Variants in ADAMTS20 observed in about 807,000 individuals in gnomAD.
The protein encoded by ADAMTS20 is ADAM metallopeptidase with thrombospondin type 1 motif 20, also known as A disintegrin and metalloproteinase with thrombospondin motifs 20.
A neutral mutation model predicts 260.1 loss-of-function variants in ADAMTS20; 225 were observed. That is an observed-to-expected ratio of 0.87 (90% CI 0.78 to 0.97). ADAMTS20 has a LOEUF of 0.97. Among genes scored for constraint, ADAMTS20 ranks in the 50% least tolerant of loss-of-function variants. The probability of loss-of-function intolerance (pLI) is 0.00; values close to 1 mark genes in which losing one functional copy is unlikely to be tolerated. For missense variants in ADAMTS20, 2,400 were observed against 2,337.7 expected (o/e 1.03, Z -0.55); for synonymous variants, 802 against 769.5 (o/e 1.04, Z -0.70).
chr12:43,389,000 T>C (rs2082759143), intron 29 of ADAMTS20, among the ~76,000 whole-genome samples: 1 of 152,178 alleles, frequency 6.6e-6, no homozygotes, highest in African/African-American at 2.4e-5. Flanking sequence ...TACCATCACC[T>C]TGGGGGATAG....
intron 2 of ADAMTS20, among the ~76,000 whole-genome samples, chr12:43,543,671 C>A (rs996040773): frequency 1.3e-5 from 2 of 152,086 alleles, no homozygotes; most frequent in South Asian, 2.1e-4. Context: ...ATGTTTGATG[C>A]GTGATCTGTT....
chr12:43,435,277 A>C (rs1941528990), intron 18 of ADAMTS20, among the ~76,000 whole-genome samples: 1 of 152,190 alleles, frequency 6.6e-6, no homozygotes, highest in Non-Finnish European at 1.5e-5. Flanking sequence ...TGGCAGAGGG[A>C]AGAAAGATGA....
rs149337466 is a variant in ADAMTS20, at chr12:43,532,237, G to A, written c.454-42C>T. 1.4e-3 allele frequency: 2,102 copies of A among 1,545,410 alleles called. 32 individuals are homozygous for A. The African/African-American group carries it at 0.026, about 19-fold the overall frequency. ...CAAAAATGAATTTTTCCTAACAGTCGCCAAGAAGAAAAAACACATAGTACC... is the reference window on the plus strand; with the variant it reads ...CAAAAATGAATTTTTCCTAACAGTCACCAAGAAGAAAAAACACATAGTACC... On this transcript the variant is annotated intron_variant, in intron 2 of 38. Transcript: ENST00000389420.
chr12:43,444,251 G>A (rs1022522022), intron 15 of ADAMTS20, among the ~76,000 whole-genome samples: 4 of 152,054 alleles, frequency 2.6e-5, no homozygotes, highest in South Asian at 2.1e-4. Flanking sequence ...AAAAATAGAA[G>A]ATTTCAAATA....
At chr12:43,379,339 T>A (rs535112507) in intron 31 of ADAMTS20, among the ~76,000 whole-genome samples, 5 of 152,212 alleles carry the variant, frequency 3.3e-5, no homozygotes, top group African/African-American at 1.2e-4. Context: ...GAATAAGATG[T>A]CCATCAGAGC....
chr12:43,421,494 TAGTG>T (rs1364235281), intron 28 of ADAMTS20, among the ~76,000 whole-genome samples: 3 of 151,972 alleles, frequency 2.0e-5, no homozygotes, highest in East Asian at 3.9e-4. Flanking sequence ...AAATGAAACT[TAGTG>T]AGAAAATTTA....
Position 43,502,418 on chromosome 12 carries a change from AAAG to A in ADAMTS20, c.614-16_614-14del, listed in dbSNP as rs1396674163. The A allele has an allele frequency of 1.9e-6, 3 of 1,575,268 alleles. No individual in the cohort carries two copies. The African/African-American group carries it at 4.2e-5, about 22-fold the overall frequency. ...TTTATTTGACTTTCTAGGGAGAAAA[AAAG>A]AATATAATGCAGAGCCATTAAATTG... On this transcript the variant is annotated splice_polypyrimidine_tract_variant and intron_variant, in intron 3 of 38. Coordinates refer to ENST00000389420, the MANE Select transcript of ADAMTS20 (RefSeq NM_025003.5).
chr12:43,412,355 T>C (rs1027292845), intron 28 of ADAMTS20, among the ~76,000 whole-genome samples: 5 of 152,238 alleles, frequency 3.3e-5, no homozygotes, highest in African/African-American at 9.6e-5. Flanking sequence ...TTTTACAAAG[T>C]TGCAATGTAT....
rs1199389857 is a variant in ADAMTS20, at chr12:43,466,791, C to G, written c.1228G>C (p.Gly410Arg). 2 of 1,585,904 alleles carry G rather than the reference C, an allele frequency of 1.3e-6. No individual in the cohort carries two copies. Among genetic ancestry groups the G allele is most frequent in the Non-Finnish European group, 1.7e-6 (2 of 1,164,116 alleles). Residue 410 changes from glycine to arginine, a missense_variant, in exon 9 of 39, where the codon GGT (glycine) becomes CGT (arginine). Gly to Arg is a moderately radical substitution (Grantham distance 125). Coordinates refer to ENST00000389420, the MANE Select transcript of ADAMTS20 (RefSeq NM_025003.5). ...CTAGGATTATCATCATGTTGAACAC[C>G]AAGTCTAAAAATAAAAATAAACACT... The part of the protein sequence containing the change: ...TIAHELGHTL[G>R]VQHDDNPRCK...
chr12:43,377,407 G>T lies in ADAMTS20; in HGVS notation c.4953C>A (p.Ser1651Arg). The change falls in exon 32 of 39, where the codon AGC (serine) becomes AGA (arginine). Residue 1651 changes from serine to arginine, a missense_variant. Physicochemically the swap from Ser to Arg is moderately radical, Grantham distance 110. Transcript: ENST00000389420. ...PSSQVYQCIN[S>R]CLHLATWKVG... ...CTTTCCAAGTGGCCAAATGCAAACA[G>T]CTGTTAATGCATTGGTAAACCTGAG... The T allele has an allele frequency of 6.2e-7, 1 of 1,613,302 alleles. No homozygotes were observed. Among genetic ancestry groups the T allele is most frequent in the Non-Finnish European group, 8.5e-7 (1 of 1,179,578 alleles).
chr12:43,448,687 C>G (rs907452176), intron 14 of ADAMTS20, among the ~76,000 whole-genome samples: 17 of 151,992 alleles, frequency 1.1e-4, no homozygotes, highest in Admixed American at 8.5e-4. Context: ...AAATTATCAA[C>G]AGAGTAAATA....
chr12:43,422,883 T>C (rs1203472125), intron 28 of ADAMTS20: 3 of 152,084 alleles, frequency 2.0e-5, no homozygotes, highest in African/African-American at 7.2e-5. Context: ...ACTTGTGATA[T>C]AATTTACATA....
downstream of ADAMTS20, among the ~76,000 whole-genome samples, chr12:43,352,902 C>A (rs1034211646): frequency 3.3e-5 from 5 of 152,084 alleles, no homozygotes; most frequent in African/African-American, 9.7e-5. Flanking sequence ...CAAAATATTT[C>A]TTTTGATACA....
intron 4 of ADAMTS20, among the ~76,000 whole-genome samples, chr12:43,501,473 G>GCACACACACACACA (rs1198759318): frequency 9.5e-4 from 53 of 55,532 alleles, no homozygotes; most frequent in Middle Eastern, 0.011. Flanking sequence ...GCGCGCGCGC[G>GCACACACACACACA]CGCGCGCGCA....
chr12:43,522,923 A>G (rs1045660692), intron 3 of ADAMTS20, among the ~76,000 whole-genome samples: 1 of 152,222 alleles, frequency 6.6e-6, no homozygotes, highest in South Asian at 2.1e-4. Context: ...CAAGGCTGAA[A>G]CCACCATGAA....
intron 7 of ADAMTS20, among the ~76,000 whole-genome samples, chr12:43,483,246 A>T (rs75149662): frequency 1.2e-3 from 180 of 152,242 alleles, no homozygotes; most frequent in African/African-American, 4.3e-3. Flanking sequence ...AAGCAGCAAG[A>T]TTCACGGTAG....
chr12:43,352,878 T>C (rs1000043295), downstream of ADAMTS20, among the ~76,000 whole-genome samples: 1 of 152,176 alleles, frequency 6.6e-6, no homozygotes, highest in Non-Finnish European at 1.5e-5. Flanking sequence ...GTAACTGGCT[T>C]AAGGCACATA....
rs189602419 is a variant in ADAMTS20 at position 43,394,310 on chromosome 12, C to T, written c.4452+4756G>A. Among the ~76,000 whole-genome samples, 12 of 152,126 alleles carry T rather than the reference C, an allele frequency of 7.9e-5. No homozygotes were observed. The East Asian group carries it at 2.1e-3, about 27-fold the overall frequency. ...GTTGCTACCATTTAATTGTTTTTCT[C>T]TAGGGATATGGAAAATTGTCAAGAT... On this transcript the variant is annotated intron_variant, in intron 29 of 38. Transcript: ENST00000389420.
At chr12:43,428,895 G>C (rs1700361203) in intron 24 of ADAMTS20, 96 bp from the exon 25 acceptor site, 31 of 1,186,686 alleles carry the variant, frequency 2.6e-5, no homozygotes, top group Non-Finnish European at 3.5e-5. Context: ...AAAACATCCA[G>C]TTTCTTGAGA....
Sources: allele counts gnomAD v4.1 joint callset (sites outside exome capture counted in the v4.1 genomes callset), GRCh38; gene constraint gnomAD v4.1.1; transcripts MANE v1.5; gene names NCBI Gene and HGNC (gene_info 2026-07-23, HGNC 2026-07-21).